PCDHGB1: variants seen among roughly 807,000 people sequenced by gnomAD.
PCDHGB1 encodes protocadherin gamma subfamily B, 1, also known as protocadherin gamma-B1.
In PCDHGB1, 34 loss-of-function variants were observed where a neutral mutation model predicts 56.6. That is an observed-to-expected ratio of 0.60 (90% CI 0.46 to 0.80). The LOEUF is 0.80. Among genes scored for constraint, PCDHGB1 ranks in the 30% least tolerant of loss-of-function variants. The pLI is 0.00. For synonymous variants in PCDHGB1, 561 were observed against 505.9 expected, an observed-to-expected ratio of 1.11 and a Z score of -1.46; for missense variants, 1,278 against 1,204.6, an observed-to-expected ratio of 1.06 and a Z score of -0.90.
chr5:141,503,222 G>C (rs540244346), intron 2 of PCDHGB1, among the ~76,000 whole-genome samples: 1 of 152,120 alleles, frequency 6.6e-6, no homozygotes, highest in Middle Eastern at 3.4e-3. Context: ...CATGAGCACC[G>C]TAAAGATGGA....
intron 1 of PCDHGB1, chr5:141,478,531 C>G (rs771145308): frequency 1.2e-6 from 2 of 1,608,190 alleles, no homozygotes; most frequent in East Asian, 2.2e-5. Context: ...GTGCAGAGAG[C>G]GCCCCTCCCG....
At chr5:141,482,528 T>C (rs945815289) in intron 1 of PCDHGB1, among the ~76,000 whole-genome samples, 1 of 56,520 alleles carries the variant, frequency 1.8e-5, no homozygotes, top group Non-Finnish European at 2.8e-5. Flanking sequence ...GAGACAGACA[T>C]GCAAAAAAAA....
chr5:141,400,682 G>C (rs778099324), intron 1 of PCDHGB1: 10 of 835,140 alleles, frequency 1.2e-5, no homozygotes, highest in Non-Finnish European at 1.7e-5. Context: ...AGTAAATTGT[G>C]AGTTTTTATG....
At chr5:141,455,860 ATTATTTAT>A (rs145569377) in intron 1 of PCDHGB1, among the ~76,000 whole-genome samples, 26,605 of 139,696 alleles carry the variant, frequency 0.19, 2,610 homozygotes, top group Middle Eastern at 0.23. Context: ...AATTTCTTTT[ATTATTTAT>A]TTATTTATTT....
intron 1 of PCDHGB1, among the ~76,000 whole-genome samples, chr5:141,369,471 A>G (rs1182179165): frequency 6.6e-6 from 1 of 152,168 alleles, no homozygotes; most frequent in African/African-American, 2.4e-5. Context: ...GTTCTAGCCC[A>G]GCCTGGGCAA....
At chr5:141,460,596 C>G (rs930441447) in intron 1 of PCDHGB1, among the ~76,000 whole-genome samples, 2 of 151,986 alleles carry the variant, frequency 1.3e-5, no homozygotes, top group Non-Finnish European at 2.9e-5. Flanking sequence ...TTTCTGGGCT[C>G]TCTGTGTTAG....
At chr5:141,375,071 A>T in intron 1 of PCDHGB1, 1 of 1,614,046 alleles carries the variant, frequency 6.2e-7, no homozygotes, top group Non-Finnish European at 8.5e-7. Context: ...TCTTCGAGAC[A>T]GAGCGAAAGT....
Position 141,489,898 on chromosome 5 carries a change from C to T in PCDHGB1, c.2410-4909C>T. On this transcript the variant is annotated intron_variant, in intron 1 of 3. Transcript: ENST00000523390. The surrounding 1 kb of genome is among the most constrained non-coding windows in gnomAD (Gnocchi z 4.5). ...GCTTACTGCTGTGGATGGGGGGACC[C>T]CAGCCCGCTCAGGGACCACCCTTAT... 6.2e-7 allele frequency: 1 copy of T among 1,614,216 alleles called. No homozygotes were observed. Among genetic ancestry groups the T allele is most frequent in the Non-Finnish European group, 8.5e-7 (1 of 1,180,036 alleles).
chr5:141,422,390 C>T, intron 1 of PCDHGB1: 1 of 1,591,016 alleles, frequency 6.3e-7, no homozygotes, highest in Non-Finnish European at 8.5e-7. Flanking sequence ...TGTTTTATTC[C>T]TAACCACCTG....
intron 1 of PCDHGB1, chr5:141,399,670 G>A (rs2093861747): frequency 6.2e-7 from 1 of 1,613,610 alleles, no homozygotes; most frequent in Non-Finnish European, 8.5e-7. Flanking sequence ...CGCGCAGCGC[G>A]CCTTTGACTA....
chr5:141,357,227 G>T, intron 1 of PCDHGB1: 1 of 1,613,714 alleles, frequency 6.2e-7, no homozygotes, highest in Non-Finnish European at 8.5e-7. Context: ...GCTGACTTGG[G>T]CAGCCTCAAG....
At position 141,382,695 on chromosome 5, in the gene PCDHGB1, G is replaced by A. The variant is rs76993444; in HGVS notation, c.2409+30026G>A. ...TTCACCAACCAGGGAAAAATGGTGCGAGAGATCCCACAGAAACCACCGAGT... is the reference window on the plus strand; with the variant it reads ...TTCACCAACCAGGGAAAAATGGTGCAAGAGATCCCACAGAAACCACCGAGT... On this transcript the variant is annotated intron_variant, in intron 1 of 3. Coordinates refer to ENST00000523390, the MANE Select transcript of PCDHGB1 (RefSeq NM_018922.3). 1.1e-3 allele frequency: 486 copies of A among 451,892 alleles called. 2 individuals carry two copies. The highest frequency in any genetic ancestry group is 9.0e-3 in the African/African-American group (451 of 50,190). The allele number at this position is 451,892 out of a possible 1,614,324, so 28.0% of individuals were successfully genotyped here.
intron 2 of PCDHGB1, among the ~76,000 whole-genome samples, chr5:141,503,166 A>T (rs1246987375): frequency 1.3e-5 from 2 of 151,884 alleles, no homozygotes; most frequent in Admixed American, 1.3e-4. Context: ...CACAATTGCA[A>T]TTACTCTATT....
chr5:141,412,459 A>C (rs1267719740), intron 1 of PCDHGB1: 1 of 152,232 alleles, frequency 6.6e-6, no homozygotes, highest in Non-Finnish European at 1.5e-5. Flanking sequence ...AAACTATTCT[A>C]GAAGAGTACT....
At position 141,362,587 on chromosome 5, in the gene PCDHGB1, G is replaced by A. The variant is rs747611453; in HGVS notation, c.2409+9918G>A. The A allele has an allele frequency of 3.8e-6, 6 of 1,594,472 alleles. No individual in the cohort carries two copies. In the East Asian group the frequency reaches 1.3e-4, roughly 36 times the overall value. On this transcript the variant is annotated intron_variant, in intron 1 of 3. Coordinates refer to ENST00000523390, the MANE Select transcript of PCDHGB1 (RefSeq NM_018922.3). ...CTTTAATTAATTTATTTTCACTTCT[G>A]GTTTTATTGTTTCACCTAATTTGGG...
chr5:141,428,007 A>G, intron 1 of PCDHGB1: 1 of 1,602,018 alleles, frequency 6.2e-7, no homozygotes, highest in Non-Finnish European at 8.5e-7. Flanking sequence ...ACTCTTCGAT[A>G]TAGTGCCACG....
In PCDHGB1 at chr5:141,432,751, G is replaced by A; in HGVS notation, c.2410-62056G>A. The A allele has an allele frequency of 6.2e-7, 1 of 1,614,130 alleles. No homozygotes were observed. Among genetic ancestry groups the A allele is most frequent in the Non-Finnish European group, 8.5e-7 (1 of 1,179,982 alleles). Reference sequence around the variant, plus strand: ...CCACTGTCACGCTCACCGTGGCCGTGGCCGACAGCATCCCCCAAGTCCTGG... The same window carrying A: ...CCACTGTCACGCTCACCGTGGCCGTAGCCGACAGCATCCCCCAAGTCCTGG... On this transcript the variant is annotated intron_variant, in intron 1 of 3. Transcript: ENST00000523390. This position sits in a 1 kb window ranked among gnomAD's most constrained non-coding sequence, Gnocchi z 6.0.
chr5:141,371,348 G>T (rs1767688523), intron 1 of PCDHGB1: 4 of 1,613,932 alleles, frequency 2.5e-6, no homozygotes, highest in Middle Eastern at 3.3e-4. Flanking sequence ...ACACAATTGG[G>T]GTGGAAGCAA....
At chr5:141,482,841 G>A (rs1401298303) in intron 1 of PCDHGB1, among the ~76,000 whole-genome samples, 1 of 139,444 alleles carries the variant, frequency 7.2e-6, no homozygotes, top group Non-Finnish European at 1.5e-5. Flanking sequence ...GGAGGCCAAG[G>A]TGGGCAGATC....
Sources: allele counts gnomAD v4.1 joint callset (sites outside exome capture counted in the v4.1 genomes callset), GRCh38; gene constraint gnomAD v4.1.1; non-coding constraint Gnocchi (gnomAD v3.1); transcripts MANE v1.5; gene names NCBI Gene and HGNC (gene_info 2026-07-23, HGNC 2026-07-21).